The following SEPTIN2 variants were observed in gnomAD, a reference collection of about 807,000 sequenced individuals.
SEPTIN2 encodes the protein septin 2, also known as septin-2.
A neutral mutation model predicts 46.5 loss-of-function variants in SEPTIN2; 34 were observed. The observed-to-expected ratio is 0.73, with a 90% CI of 0.56 to 0.97. SEPTIN2 has a LOEUF of 0.97. Among genes scored for constraint, SEPTIN2 ranks in the 50% least tolerant of loss-of-function variants. The pLI, the probability that SEPTIN2 is intolerant of heterozygous loss-of-function variation, is 0.00. For synonymous variants in SEPTIN2, 175 were observed against 153.4 expected, an observed-to-expected ratio of 1.14 and a Z score of -1.04; for missense variants, 347 against 448.4, an observed-to-expected ratio of 0.77 and a Z score of 2.04.
chr2:241,353,152 G>C lies in SEPTIN2; in HGVS notation c.*1215G>C, dbSNP rs918070636. 1 of 152,154 alleles carries C rather than the reference G, an allele frequency of 6.6e-6. No homozygotes were observed. Among genetic ancestry groups the C allele is most frequent in the African/African-American group, 2.4e-5 (1 of 41,424 alleles). 9.4% of individuals were successfully genotyped at this position (152,154 alleles called of 1,614,324 possible). On this transcript the variant is annotated 3_prime_UTR_variant, in exon 13 of 13. Transcript: ENST00000391971. ...GTGCAGGCTGTCTCATTTATTTTTA[G>C]CCATTGTCGTTTCATTCATTTTGTG... is the stretch of plus-strand genomic sequence containing the variant.
intron 3 of SEPTIN2, among the ~76,000 whole-genome samples, chr2:241,327,702 C>T (rs371081589): frequency 3.4e-4 from 51 of 151,968 alleles, no homozygotes; most frequent in African/African-American, 1.2e-3. Context: ...GAGAAAAGCA[C>T]ACCAAAGCCT....
chr2:241,349,365 TC>T (rs1396489045), intron 11 of SEPTIN2, among the ~76,000 whole-genome samples: 2 of 133,518 alleles, frequency 1.5e-5, no homozygotes, highest in Non-Finnish European at 3.3e-5. Context: ...CAAGATCCCA[TC>T]CCTTTAAAAA....
intron 9 of SEPTIN2, among the ~76,000 whole-genome samples, chr2:241,344,169 G>A (rs1319662655): frequency 6.6e-6 from 1 of 152,060 alleles, no homozygotes; most frequent in Non-Finnish European, 1.5e-5. Flanking sequence ...TTACATCTTT[G>A]ATGTTAAAAG....
chr2:241,339,888 C>G (rs1396199180), intron 7 of SEPTIN2, among the ~76,000 whole-genome samples: 2 of 152,150 alleles, frequency 1.3e-5, no homozygotes, highest in Non-Finnish European at 2.9e-5. Context: ...TCTCCTGACC[C>G]CTGACCCCAG....
intron 1 of SEPTIN2, chr2:241,316,654 T>TC: frequency 1.2e-6 from 1 of 832,470 alleles, no homozygotes; most frequent in Non-Finnish European, 1.7e-6. Flanking sequence ...CTCAGTGGAG[T>TC]CCCAACTGTG....
At chr2:241,335,831 T>G in intron 4 of SEPTIN2, 144 bp from the exon 5 acceptor site, 1 of 993,208 alleles carries the variant, frequency 1.0e-6, no homozygotes, top group South Asian at 1.5e-5. Flanking sequence ...TTCTCTGGGA[T>G]CTTTTTTTCT....
intron 9 of SEPTIN2, among the ~76,000 whole-genome samples, chr2:241,345,875 G>T (rs953267913): frequency 6.6e-6 from 1 of 152,174 alleles, no homozygotes; most frequent in African/African-American, 2.4e-5. Flanking sequence ...CCATCCTGTG[G>T]TAGTGATGGC....
At chr2:241,325,862 TG>T in intron 2 of SEPTIN2, 130 bp from the exon 3 acceptor site, 1 of 742,044 alleles carries the variant, frequency 1.3e-6, no homozygotes, top group Non-Finnish European at 2.0e-6. Flanking sequence ...TATGACCTTC[TG>T]GAAGTGTTTA....
chr2:241,317,722 C>T (rs1310345628), intron 1 of SEPTIN2: 1 of 187,214 alleles, frequency 5.3e-6, no homozygotes, highest in Admixed American at 6.6e-5. Flanking sequence ...TCCAAAGAAT[C>T]CAGATGCTTT....
At chr2:241,331,151 C>T (rs2078934077) in intron 3 of SEPTIN2, among the ~76,000 whole-genome samples, 1 of 152,074 alleles carries the variant, frequency 6.6e-6, no homozygotes, top group Admixed American at 6.5e-5. Context: ...TGCACTCCAG[C>T]CTGCATGACA....
chr2:241,316,657 C>A, intron 1 of SEPTIN2: 1 of 781,290 alleles, frequency 1.3e-6, no homozygotes, highest in Non-Finnish European at 1.9e-6. Context: ...AGTGGAGTCC[C>A]AACTGTGACC....
chr2:241,345,844 A>C (rs1363192034), intron 9 of SEPTIN2, among the ~76,000 whole-genome samples: 1 of 152,186 alleles, frequency 6.6e-6, no homozygotes, highest in Non-Finnish European at 1.5e-5. Flanking sequence ...GTTGACCTGA[A>C]AATCTCTTAA....
intron 4 of SEPTIN2, 194 bp from the exon 5 acceptor site, chr2:241,335,781 G>A: frequency 1.6e-6 from 1 of 641,830 alleles, no homozygotes; most frequent in East Asian, 2.7e-5. Flanking sequence ...ACCTTCCCCA[G>A]TAGCACAATA....
intron 3 of SEPTIN2, among the ~76,000 whole-genome samples, chr2:241,327,050 CAAAAAAAAAAA>C (rs59492636): frequency 2.1e-4 from 14 of 66,022 alleles, no homozygotes; most frequent in East Asian, 2.0e-3. Context: ...AACCTTGTCT[CAAAAAAAAAAA>C]AAAAAAAAAA....
In SEPTIN2 at chr2:241,352,454, T is replaced by G. The variant is rs1342524274; in HGVS notation, c.*517T>G. On this transcript the variant is annotated 3_prime_UTR_variant, in exon 13 of 13. Coordinates refer to ENST00000391971, the MANE Select transcript of SEPTIN2 (RefSeq NM_004404.5). ...ATCTTTGCTTCCTTGCTTTTATGTT[T>G]GTACACAACACCTAAAACCAGTTTT... is the stretch of plus-strand genomic sequence containing the variant. The G allele has an allele frequency of 6.5e-6, 1 of 152,676 alleles. No individual in the cohort carries two copies. Among genetic ancestry groups the G allele is most frequent in the Non-Finnish European group, 1.5e-5 (1 of 68,042 alleles). 9.5% of individuals were successfully genotyped at this position (152,676 alleles called of 1,614,324 possible).
In SEPTIN2 at chr2:241,347,083, C is replaced by T. The variant is rs955571659; in HGVS notation, c.926+834C>T. On this transcript the variant is annotated intron_variant, in intron 10 of 12. Transcript: ENST00000391971. ...CGGCCCTGGCAACATAGGGAGACCT[C>T]GCCTCTATAAAAATTTTTTTTAAAT... is the stretch of plus-strand genomic sequence containing the variant. Among the ~76,000 whole-genome samples, 5 of 152,208 alleles carry T rather than the reference C, an allele frequency of 3.3e-5. No homozygotes were observed. In the South Asian group the frequency reaches 8.3e-4, roughly 25 times the overall value.
At chr2:241,333,806 C>T (rs968750818) in intron 3 of SEPTIN2, among the ~76,000 whole-genome samples, 2 of 152,252 alleles carry the variant, frequency 1.3e-5, no homozygotes, top group African/African-American at 2.4e-5. Flanking sequence ...CCCGGCTGTG[C>T]GTCTGCACAT....
chr2:241,348,792 A>G (rs551725944), intron 11 of SEPTIN2, among the ~76,000 whole-genome samples: 1 of 152,310 alleles, frequency 6.6e-6, no homozygotes, highest in Admixed American at 6.5e-5. Flanking sequence ...TAAATATGGA[A>G]ATATGCTCTG....
intron 1 of SEPTIN2, chr2:241,316,610 C>T (rs2076315389): frequency 2.3e-6 from 3 of 1,319,008 alleles, no homozygotes; most frequent in Admixed American, 2.8e-5. Context: ...CGAGTTGGCC[C>T]GGGGATGAGG....
Sources: allele counts gnomAD v4.1 joint callset (sites outside exome capture counted in the v4.1 genomes callset), GRCh38; gene constraint gnomAD v4.1.1; transcripts MANE v1.5; gene names NCBI Gene and HGNC (gene_info 2026-07-23, HGNC 2026-07-21).